The following CNTN4 variants were observed in gnomAD, a reference collection of about 807,000 sequenced individuals.
The protein encoded by CNTN4 is contactin-4.
Under a neutral mutation model 122.5 loss-of-function variants are expected in CNTN4, and 77 were observed. The observed-to-expected ratio is 0.63, with a 90% CI of 0.52 to 0.76. CNTN4 has a LOEUF of 0.76. CNTN4 is among the 30% of genes least tolerant of loss of function. The probability of loss-of-function intolerance (pLI) is 0.00; values close to 1 mark genes in which losing one functional copy is unlikely to be tolerated. For missense variants in CNTN4, 1,256 were observed against 1,259.1 expected (o/e 1.00, Z 0.04); for synonymous variants, 512 against 447.0 (o/e 1.15, Z -1.83).
Position 2,746,314 on chromosome 3 carries a change from G to C in CNTN4, c.358+617G>C, listed in dbSNP as rs572308802. On this transcript the variant is annotated intron_variant, in intron 6 of 24. Coordinates refer to ENST00000418658, the MANE Select transcript of CNTN4 (RefSeq NM_175607.3). The stretch of plus-strand genomic sequence containing the variant: ...ATAATGACAAAAACATGGAGACAAA[G>C]TGTTATCCACCTTTGATATTTCCAG... Among the ~76,000 whole-genome samples, 4 of 152,134 alleles carry C rather than the reference G, an allele frequency of 2.6e-5. No homozygotes were observed. The South Asian group carries it at 6.2e-4, about 24-fold the overall frequency.
chr3:2,857,249 G>T (rs911925696), intron 7 of CNTN4, among the ~76,000 whole-genome samples: 1 of 152,170 alleles, frequency 6.6e-6, no homozygotes, highest in Non-Finnish European at 1.5e-5. Flanking sequence ...CTGAGACTGG[G>T]CATTGAACTT....
chr3:2,764,852 G>A (rs1050082694), intron 6 of CNTN4, among the ~76,000 whole-genome samples: 2 of 152,108 alleles, frequency 1.3e-5, no homozygotes, highest in African/African-American at 4.8e-5. Context: ...TACTCTTGAT[G>A]TTCCCATTTT....
At chr3:2,777,996 T>C (rs6763724) in intron 6 of CNTN4, among the ~76,000 whole-genome samples, 39,465 of 151,172 alleles carry the variant, frequency 0.26, 5,516 homozygotes, top group East Asian at 0.41. Flanking sequence ...GGGCGGATCA[T>C]GAGGTCAGGA....
At chr3:2,579,367 A>T (rs2079834832) in intron 4 of CNTN4, among the ~76,000 whole-genome samples, 1 of 152,202 alleles carries the variant, frequency 6.6e-6, no homozygotes, top group South Asian at 2.1e-4. Context: ...TCAAAGCTTG[A>T]GGATGACGGG....
chr3:2,828,901 C>T (rs564271946), intron 7 of CNTN4, among the ~76,000 whole-genome samples: 1 of 152,212 alleles, frequency 6.6e-6, no homozygotes, highest in African/African-American at 2.4e-5. Context: ...CCACACCAGG[C>T]TAATTATTTT....
chr3:2,202,848 G>T (rs1380017569), intron 2 of CNTN4, among the ~76,000 whole-genome samples: 1 of 151,650 alleles, frequency 6.6e-6, no homozygotes, highest in Non-Finnish European at 1.5e-5. Context: ...TTTTGAGATG[G>T]TGTCTTACTC....
At chr3:2,136,111 A>T (rs1319626329) in intron 2 of CNTN4, among the ~76,000 whole-genome samples, 2 of 152,140 alleles carry the variant, frequency 1.3e-5, no homozygotes, top group African/African-American at 4.8e-5. Context: ...GTTAATTCTG[A>T]GGCTCTTTTC....
At chr3:3,050,269 T>C (rs1407567240) in intron 23 of CNTN4, among the ~76,000 whole-genome samples, 1 of 151,912 alleles carries the variant, frequency 6.6e-6, no homozygotes, top group Non-Finnish European at 1.5e-5. Flanking sequence ...TTCTCGGTTT[T>C]TAAATGTTCA....
chr3:2,301,793 A>G (rs538993955), intron 2 of CNTN4, among the ~76,000 whole-genome samples: 1 of 152,346 alleles, frequency 6.6e-6, no homozygotes, highest in South Asian at 2.1e-4. Context: ...AAGTCTCCAT[A>G]AGGTATTCAG....
chr3:2,268,635 C>G (rs2041150173), intron 2 of CNTN4, among the ~76,000 whole-genome samples: 1 of 152,046 alleles, frequency 6.6e-6, no homozygotes, highest in Admixed American at 6.6e-5. Context: ...ATCTCTATTT[C>G]TGTCTATCTA....
At chr3:2,947,515 A>G (rs1577365386) in intron 13 of CNTN4, among the ~76,000 whole-genome samples, 1 of 152,362 alleles carries the variant, frequency 6.6e-6, no homozygotes, top group African/African-American at 2.4e-5. Flanking sequence ...CCTCACATCT[A>G]TAATAGTACA....
At chr3:2,445,309 A>G (rs1233562373) in intron 3 of CNTN4, among the ~76,000 whole-genome samples, 2 of 152,156 alleles carry the variant, frequency 1.3e-5, no homozygotes, top group Non-Finnish European at 1.5e-5. Flanking sequence ...GAGGACCTGC[A>G]TATTCTTGGG....
At chr3:2,194,257 A>G (rs1427364725) in intron 2 of CNTN4, among the ~76,000 whole-genome samples, 1 of 152,042 alleles carries the variant, frequency 6.6e-6, no homozygotes, top group African/African-American at 2.4e-5. Context: ...TGAGCCCAGG[A>G]GTTTGAGACT....
At chr3:2,762,973 G>T (rs564828460) in intron 6 of CNTN4, among the ~76,000 whole-genome samples, 8 of 120,000 alleles carry the variant, frequency 6.7e-5, no homozygotes, top group Admixed American at 1.1e-4. Flanking sequence ...ACTGAGTCTC[G>T]CTGTGTCGCG....
intron 6 of CNTN4, among the ~76,000 whole-genome samples, chr3:2,754,888 G>A (rs901757319): frequency 7.2e-5 from 11 of 152,092 alleles, no homozygotes; most frequent in African/African-American, 2.7e-4. Flanking sequence ...TGAATAAACA[G>A]CAACTGATTA....
At chr3:2,628,008 A>G (rs1244360323) in intron 4 of CNTN4, among the ~76,000 whole-genome samples, 2 of 152,174 alleles carry the variant, frequency 1.3e-5, no homozygotes, top group Non-Finnish European at 2.9e-5. Flanking sequence ...GTACAAATTG[A>G]TGAGGGACTT....
At chr3:2,642,600 A>G (rs1442613313) in intron 4 of CNTN4, among the ~76,000 whole-genome samples, 6 of 152,188 alleles carry the variant, frequency 3.9e-5, no homozygotes, top group Non-Finnish European at 7.3e-5. Flanking sequence ...ATGTGTATAC[A>G]GAAACAGGTA....
At position 2,657,212 on chromosome 3, in the gene CNTN4, A is replaced by G. The variant is rs544908310; in HGVS notation, c.56-79003A>G. On this transcript the variant is annotated intron_variant, in intron 4 of 24. Transcript: ENST00000418658. ...AACATTCCTACATGTCAGAAAACTAAATAAAAATGACCTCTAGCTTCGAGG... is the reference window on the plus strand; with the variant it reads ...AACATTCCTACATGTCAGAAAACTAGATAAAAATGACCTCTAGCTTCGAGG... 5.3e-5 allele frequency among the ~76,000 whole-genome samples: 8 copies of G among 152,352 alleles called. 2 individuals carry two copies. The highest frequency in any genetic ancestry group is 6.8e-3 in the Middle Eastern group (2 of 294).
At chr3:2,225,113 T>C (rs60876123) in intron 2 of CNTN4, among the ~76,000 whole-genome samples, 11,835 of 150,762 alleles carry the variant, frequency 0.079, 654 homozygotes, top group East Asian at 0.23. Context: ...ATCGCACCAC[T>C]GCACTCCAGC....
Sources: allele counts gnomAD v4.1 joint callset (sites outside exome capture counted in the v4.1 genomes callset), GRCh38; gene constraint gnomAD v4.1.1; transcripts MANE v1.5; gene names NCBI Gene and HGNC (gene_info 2026-07-23, HGNC 2026-07-21).